KCTD20: variants seen among roughly 807,000 people sequenced by gnomAD.
KCTD20 encodes the protein BTB/POZ domain-containing protein KCTD20.
A neutral mutation model predicts 39.6 loss-of-function variants in KCTD20; 30 were observed. The observed-to-expected ratio is 0.76, with a 90% CI of 0.57 to 1.03. The LOEUF (loss-of-function observed/expected upper bound fraction) is 1.03, where lower values mean the gene tolerates loss of function less well. KCTD20 is among the 50% of genes least tolerant of loss of function. The pLI, the probability that KCTD20 is intolerant of heterozygous loss-of-function variation, is 0.00. For missense variants in KCTD20, 422 were observed against 522.0 expected, an observed-to-expected ratio of 0.81 and a Z score of 1.87; for synonymous variants, 162 against 180.6, an observed-to-expected ratio of 0.90 and a Z score of 0.83.
intron 1 of KCTD20, among the ~76,000 whole-genome samples, chr6:36,447,297 G>A (rs1226611964): frequency 6.6e-6 from 1 of 152,154 alleles, no homozygotes; most frequent in Non-Finnish European, 1.5e-5. Context: ...CTCACAAACT[G>A]TAAGTTTTCA....
chr6:36,478,470 A>G (rs1776139697), intron 3 of KCTD20, among the ~76,000 whole-genome samples: 1 of 152,208 alleles, frequency 6.6e-6, no homozygotes, highest in African/African-American at 2.4e-5. Flanking sequence ...TAAACTGCTG[A>G]TAAGCCTAAT....
chr6:36,466,599 C>G (rs1775761907), intron 1 of KCTD20, among the ~76,000 whole-genome samples: 1 of 152,004 alleles, frequency 6.6e-6, no homozygotes, highest in Admixed American at 6.6e-5. Context: ...CCAGGCTGGT[C>G]TTGAACTCTC....
intron 1 of KCTD20, among the ~76,000 whole-genome samples, chr6:36,454,081 G>A (rs1775351756): frequency 6.6e-6 from 1 of 152,330 alleles, no homozygotes; most frequent in East Asian, 1.9e-4. Flanking sequence ...GACTTACTAT[G>A]TAGCCTGAAT....
chr6:36,473,641 C>T (rs995980504), intron 2 of KCTD20, among the ~76,000 whole-genome samples: 2 of 151,826 alleles, frequency 1.3e-5, no homozygotes, highest in Non-Finnish European at 2.9e-5. Context: ...GGCATGGTGG[C>T]GGGCTCCTGT....
At chr6:36,455,830 T>A (rs906479036) in intron 1 of KCTD20, among the ~76,000 whole-genome samples, 1 of 152,158 alleles carries the variant, frequency 6.6e-6, no homozygotes, top group Non-Finnish European at 1.5e-5. Context: ...ACTGATTGGA[T>A]CAGGCCCACC....
intron 1 of KCTD20, among the ~76,000 whole-genome samples, chr6:36,454,535 T>A (rs925914712): frequency 2.6e-5 from 4 of 152,054 alleles, no homozygotes; most frequent in African/African-American, 9.7e-5. Context: ...AGAGATGGGG[T>A]TTCACCATAT....
At chr6:36,445,501 C>G (rs1341225660) in intron 1 of KCTD20, among the ~76,000 whole-genome samples, 2 of 151,998 alleles carry the variant, frequency 1.3e-5, no homozygotes, top group Non-Finnish European at 2.9e-5. Context: ...CCTGAGCTTC[C>G]TGATTGTTGT....
At chr6:36,444,075 C>T (rs1007428647) in intron 1 of KCTD20, among the ~76,000 whole-genome samples, 2 of 152,192 alleles carry the variant, frequency 1.3e-5, no homozygotes, top group Non-Finnish European at 2.9e-5. Context: ...GGCCATAGTT[C>T]TGAAACAGAA....
chr6:36,471,968 C>A lies in KCTD20; in HGVS notation c.160+1711C>A, dbSNP rs181610951. Among the ~76,000 whole-genome samples, 772 of 152,140 alleles carry A rather than the reference C, an allele frequency of 5.1e-3. 3 individuals carry two copies. The highest frequency in any genetic ancestry group is 0.017 in the African/African-American group (713 of 41,514). ...GGTTCACGCTATTCTCCTGCCTCAG[C>A]CTCCCAAGTAGCTGGGACTACAGGC... is the stretch of plus-strand genomic sequence containing the variant. On this transcript the variant is annotated intron_variant, in intron 2 of 7. Transcript: ENST00000373731.
chr6:36,454,553 G>A (rs1405119434), intron 1 of KCTD20, among the ~76,000 whole-genome samples: 1 of 152,002 alleles, frequency 6.6e-6, no homozygotes, highest in Non-Finnish European at 1.5e-5. Context: ...TATTGGTCAG[G>A]CTTGTCTCGA....
At chr6:36,483,825 CAG>C (rs1776335524) in intron 6 of KCTD20, among the ~76,000 whole-genome samples, 1 of 152,020 alleles carries the variant, frequency 6.6e-6, no homozygotes, top group East Asian at 1.9e-4. Flanking sequence ...GGCCCCAAAA[CAG>C]TGTTTTTAAA....
rs2127459622 is a variant in KCTD20, at chr6:36,487,430, C to T, written c.*255C>T. On this transcript the variant is annotated 3_prime_UTR_variant, in exon 8 of 8. Transcript: ENST00000373731. ...TGAAAAATTTGGGTCTGGTGCTGTT[C>T]ATTGAGTCTTTGTGTAACTGCAAAA... The T allele has an allele frequency of 4.2e-6, 2 of 476,440 alleles. No individual in the cohort carries two copies. The highest frequency in any genetic ancestry group is 7.5e-5 in the Admixed American group (2 of 26,822). 29.5% of individuals were successfully genotyped at this position (476,440 alleles called of 1,614,324 possible).
intron 1 of KCTD20, among the ~76,000 whole-genome samples, chr6:36,445,485 T>C (rs1200390971): frequency 6.6e-6 from 1 of 152,190 alleles, no homozygotes; most frequent in African/African-American, 2.4e-5. Context: ...TCTTTCCTTC[T>C]GTAGCCCTGA....
At chr6:36,445,216 C>G (rs1047559045) in intron 1 of KCTD20, among the ~76,000 whole-genome samples, 12 of 144,744 alleles carry the variant, frequency 8.3e-5, no homozygotes, top group Non-Finnish European at 1.5e-4. Flanking sequence ...GAGCCGAGAT[C>G]GCGCCATTGT....
At chr6:36,465,797 T>C (rs895981315) in intron 1 of KCTD20, 5 of 152,038 alleles carry the variant, frequency 3.3e-5, no homozygotes, top group Non-Finnish European at 5.9e-5. Context: ...CTCCTCAGAG[T>C]GTATAAAATG....
chr6:36,481,700 A>G lies in KCTD20; in HGVS notation c.797A>G (p.Glu266Gly). 6.2e-7 allele frequency: 1 copy of G among 1,614,248 alleles called. No individual in the cohort carries two copies. The highest frequency in any genetic ancestry group is 8.5e-7 in the Non-Finnish European group (1 of 1,180,046). Residue 266 changes from glutamate (E) to glycine (G), a missense_variant, in exon 6 of 8, where the codon GAG becomes GGG. Glu to Gly is a moderately conservative substitution (Grantham distance 98, BLOSUM62 -2). Coordinates refer to ENST00000373731, the MANE Select transcript of KCTD20 (RefSeq NM_173562.5). ...RECHIVVLTD[E>G]DSVDWDEDHP... ...TGCCACATTGTTGTGCTGACGGATG[A>G]GGATTCTGTGGACTGGGATGAAGAC... is the stretch of plus-strand genomic sequence containing the variant.
At chr6:36,486,499 T>C (rs1345531759) in intron 7 of KCTD20, among the ~76,000 whole-genome samples, 1 of 152,192 alleles carries the variant, frequency 6.6e-6, no homozygotes, top group African/African-American at 2.4e-5. Context: ...CTGTTTCTCA[T>C]ATAGTATGCC....
chr6:36,480,688 GA>G (rs948715924), intron 5 of KCTD20, among the ~76,000 whole-genome samples: 7 of 152,040 alleles, frequency 4.6e-5, no homozygotes, highest in African/African-American at 1.7e-4. Flanking sequence ...GAGCAGCTGG[GA>G]TTACGGGCAC....
intron 3 of KCTD20, among the ~76,000 whole-genome samples, chr6:36,477,517 G>C (rs1231889231): frequency 7.4e-6 from 1 of 134,598 alleles, no homozygotes; most frequent in Non-Finnish European, 1.5e-5. Flanking sequence ...GTCTCGCTCT[G>C]TCGCCCAGGC....
Sources: allele counts gnomAD v4.1 joint callset (sites outside exome capture counted in the v4.1 genomes callset), GRCh38; gene constraint gnomAD v4.1.1; transcripts MANE v1.5; gene names NCBI Gene and HGNC (gene_info 2026-07-23, HGNC 2026-07-21).